SARDH: variants seen among roughly 807,000 people sequenced by gnomAD.
SARDH encodes sarcosine dehydrogenase, also known as sarcosine dehydrogenase, mitochondrial.
Under a neutral mutation model 109.1 loss-of-function variants are expected in SARDH, and 95 were observed. The observed-to-expected ratio is 0.87, with a 90% CI of 0.74 to 1.03. The LOEUF (loss-of-function observed/expected upper bound fraction) is 1.03. Among genes scored for constraint, SARDH ranks in the 50% least tolerant of loss-of-function variants. The pLI is 0.00. For missense variants in SARDH, 1,267 were observed against 1,287.8 expected, an observed-to-expected ratio of 0.98 and a Z score of 0.25; for synonymous variants, 572 against 534.8, an observed-to-expected ratio of 1.07 and a Z score of -0.96.
rs568452794 is a variant in SARDH, at chr9:133,676,352, C to T, written c.2164-4655G>A. Among the ~76,000 whole-genome samples, 58 of 152,230 alleles carry T rather than the reference C, an allele frequency of 3.8e-4. No homozygotes were observed. The South Asian group carries it at 9.7e-3, about 26-fold the overall frequency. ...AAGAGCAGAATGGAGGGCACAGGGG[C>T]TGGGGAGAGGGAAAGGGAATTGCCT... On this transcript the variant is annotated intron_variant, in intron 17 of 20. Coordinates refer to ENST00000439388, the MANE Select transcript of SARDH (RefSeq NM_001134707.2).
chr9:133,670,802 C>T (rs780492593), intron 18 of SARDH, 50 bp from the exon 19 acceptor site: 1 of 1,499,588 alleles, frequency 6.7e-7, no homozygotes, highest in Non-Finnish European at 8.9e-7. Context: ...GGGGATAAGC[C>T]CTTCAGGAGA....
chr9:133,736,197 A>C (rs1832879265), intron 1 of SARDH, among the ~76,000 whole-genome samples: 1 of 152,212 alleles, frequency 6.6e-6, no homozygotes, highest in African/African-American at 2.4e-5. Flanking sequence ...AGACTCCCTG[A>C]AAGGGGGTTT....
At chr9:133,730,942 A>G (rs1192783614) in intron 4 of SARDH, among the ~76,000 whole-genome samples, 1 of 152,224 alleles carries the variant, frequency 6.6e-6, no homozygotes, top group Non-Finnish European at 1.5e-5. Flanking sequence ...ATGCCACTGC[A>G]CTACAGCCTG....
Position 133,703,044 on chromosome 9 carries a change from C to T in SARDH, c.1555-15G>A, listed in dbSNP as rs767639898. 4 of 1,607,080 alleles carry T rather than the reference C, an allele frequency of 2.5e-6. No homozygotes were observed. Among genetic ancestry groups the T allele is most frequent in the South Asian group, 1.1e-5 (1 of 90,120 alleles). ...TACTCGAGGACCTGGGAAGAAAAGA[C>T]GTGGTCCTCAGCCTGCCTCTTTGGC... On this transcript the variant is annotated splice_polypyrimidine_tract_variant and intron_variant, in intron 12 of 20. Transcript: ENST00000439388.
intron 1 of SARDH, among the ~76,000 whole-genome samples, chr9:133,735,609 A>C (rs61704862): frequency 0.057 from 8,700 of 152,264 alleles, 832 homozygotes; most frequent in African/African-American, 0.2. Context: ...AGCTCGTGTT[A>C]ACTGAGCTCG....
intron 14 of SARDH, among the ~76,000 whole-genome samples, chr9:133,695,701 A>G (rs942580933): frequency 1.7e-5 from 2 of 115,140 alleles, no homozygotes; most frequent in Admixed American, 2.4e-4. Flanking sequence ...AGCCCAGAAC[A>G]CTCATGAAGA....
At chr9:133,702,825 G>A in intron 13 of SARDH, 91 bp downstream of exon 13, 2 of 1,121,698 alleles carry the variant, frequency 1.8e-6, no homozygotes, top group Non-Finnish European at 1.3e-6. Flanking sequence ...GGGGAGGGGA[G>A]CCCCTGCAGG....
intron 13 of SARDH, among the ~76,000 whole-genome samples, chr9:133,699,877 A>G (rs1342913649): frequency 3.9e-5 from 6 of 152,232 alleles, no homozygotes; most frequent in Admixed American, 2.6e-4. Context: ...CCCATAAGAA[A>G]TTATAACATA....
chr9:133,731,400 G>A lies in SARDH; in HGVS notation c.595C>T (p.Leu199Phe), dbSNP rs61739172. The A allele has an allele frequency of 4.7e-4, 763 of 1,614,202 alleles. 6 individuals carry two copies. In the African/African-American group the frequency reaches 9.5e-3, roughly 20 times the overall value. The change falls in exon 4 of 21, where the codon CTC (leucine) becomes TTC (phenylalanine). Residue 199 changes from leucine (L) to phenylalanine (F), a missense_variant. Transcript: ENST00000439388. ...TGCGGCACATACAGGGTCCCGTAGAGGTCGTCCACATTCATCAGCGGGTAC... is the reference window on the plus strand; with the variant it reads ...TGCGGCACATACAGGGTCCCGTAGAAGTCGTCCACATTCATCAGCGGGTAC... The part of the protein sequence containing the change: ...TLYPLMNVDD[L>F]YGTLYVPHDG...
At position 133,678,712 on chromosome 9, in the gene SARDH, C is replaced by CACCT. The variant is rs1480909384; in HGVS notation, c.2163+6477_2163+6480dup. On this transcript the variant is annotated intron_variant, in intron 17 of 20. Transcript: ENST00000439388. ...CCCACAGGCATCCCCTGCCGTCCAA[C>CACCT]ACCTGTCCACACGGCTCCCCATTCT... 7.9e-5 allele frequency among the ~76,000 whole-genome samples: 12 copies of CACCT among 152,366 alleles called. 1 individual carries two copies. The highest frequency in any genetic ancestry group is 2.9e-4 in the African/African-American group (12 of 41,588).
intron 13 of SARDH, among the ~76,000 whole-genome samples, chr9:133,697,043 G>A (rs4744534): frequency 0.24 from 36,738 of 151,954 alleles, 5,426 homozygotes; most frequent in East Asian, 0.31. Context: ...TCAACAAAAT[G>A]GACAAACTTC....
At chr9:133,681,249 G>A (rs1255217324) in intron 17 of SARDH, among the ~76,000 whole-genome samples, 1 of 152,202 alleles carries the variant, frequency 6.6e-6, no homozygotes, top group East Asian at 1.9e-4. Flanking sequence ...CAGCTGATGT[G>A]GGCTCCCGGC....
downstream of SARDH, among the ~76,000 whole-genome samples, chr9:133,659,763 G>A (rs953445322): frequency 3.9e-5 from 6 of 152,120 alleles, no homozygotes; most frequent in Admixed American, 2.0e-4. Context: ...CGGCGCTAGC[G>A]CTGTGAAATG....
At chr9:133,701,957 C>G (rs1299545976) in intron 13 of SARDH, among the ~76,000 whole-genome samples, 4 of 152,248 alleles carry the variant, frequency 2.6e-5, no homozygotes, top group Admixed American at 6.5e-5. Flanking sequence ...CCCTTCAAGG[C>G]AACGGACGAC....
chr9:133,668,261 C>T (rs1001112621), intron 19 of SARDH, among the ~76,000 whole-genome samples: 3 of 149,376 alleles, frequency 2.0e-5, no homozygotes, highest in Non-Finnish European at 4.5e-5. Flanking sequence ...GACGACGACA[C>T]GGCTCCACTC....
intron 6 of SARDH, among the ~76,000 whole-genome samples, chr9:133,727,719 G>A (rs1249359085): frequency 6.6e-6 from 1 of 152,076 alleles, no homozygotes; most frequent in Non-Finnish European, 1.5e-5. Flanking sequence ...CTTTTCCTGT[G>A]CTCCGGTACC....
chr9:133,685,079 G>C, intron 17 of SARDH, 114 bp downstream of exon 17: 1 of 823,738 alleles, frequency 1.2e-6, no homozygotes, highest in Non-Finnish European at 1.9e-6. Flanking sequence ...GGGGACCGAG[G>C]CCCAGGGAGG....
At chr9:133,675,155 C>T (rs1266294465) in intron 17 of SARDH, among the ~76,000 whole-genome samples, 1 of 151,842 alleles carries the variant, frequency 6.6e-6, no homozygotes, top group African/African-American at 2.4e-5. Flanking sequence ...ACCACCCTGG[C>T]CAACATAGTG....
At position 133,663,630 on chromosome 9, in the gene SARDH, T is replaced by G; in HGVS notation, c.*259A>C. ...GCTTGGAAAGGGCTACAAGCCATGG[T>G]CCCTGAGCCCAAGACACTTACAGGT... On this transcript the variant is annotated 3_prime_UTR_variant, in exon 21 of 21. Coordinates refer to ENST00000439388, the MANE Select transcript of SARDH (RefSeq NM_001134707.2). 1 of 507,500 alleles carries G rather than the reference T, an allele frequency of 2.0e-6. No homozygotes were observed. 31.4% of individuals were successfully genotyped at this position (507,500 alleles called of 1,614,324 possible).
Sources: gnomAD v4.1 joint callset for allele counts (sites outside exome capture counted in the v4.1 genomes callset) on GRCh38, gnomAD v4.1.1 for gene constraint, MANE v1.5 for transcripts, NCBI Gene and HGNC (gene_info 2026-07-23, HGNC 2026-07-21) for gene names.